The following ACBD6 variants were observed in gnomAD, a reference collection of about 807,000 sequenced individuals.
ACBD6 encodes the protein acyl-CoA-binding domain-containing protein 6.
Under a neutral mutation model 37.2 loss-of-function variants are expected in ACBD6, and 28 were observed. The observed-to-expected ratio is 0.75, with a 90% CI of 0.56 to 1.03. ACBD6 has a LOEUF of 1.03. Among genes scored for constraint, ACBD6 ranks in the 50% least tolerant of loss-of-function variants. ACBD6 has a pLI of 0.00. For missense variants in ACBD6, 340 were observed against 337.4 expected, an observed-to-expected ratio of 1.01 and a Z score of -0.06; for synonymous variants, 113 against 126.8, an observed-to-expected ratio of 0.89 and a Z score of 0.73.
intron 6 of ACBD6, among the ~76,000 whole-genome samples, chr1:180,354,634 T>A (rs1225318531): frequency 6.6e-6 from 1 of 152,174 alleles, no homozygotes; most frequent in Non-Finnish European, 1.5e-5. Flanking sequence ...ACAAAACCCA[T>A]GCATTCAAAG....
intron 6 of ACBD6, among the ~76,000 whole-genome samples, chr1:180,348,697 C>A (rs749632361): frequency 6.6e-6 from 1 of 152,070 alleles, no homozygotes; most frequent in Non-Finnish European, 1.5e-5. Context: ...TAAGCCTGCC[C>A]CTCCATTAAT....
At chr1:180,340,076 G>A (rs1006794134) in intron 6 of ACBD6, among the ~76,000 whole-genome samples, 1 of 152,164 alleles carries the variant, frequency 6.6e-6, no homozygotes, top group African/African-American at 2.4e-5. Flanking sequence ...CTGAGGAACT[G>A]AGAGGAGGCC....
At chr1:180,364,351 G>C (rs957627044) in intron 6 of ACBD6, among the ~76,000 whole-genome samples, 1 of 152,130 alleles carries the variant, frequency 6.6e-6, no homozygotes, top group South Asian at 2.1e-4. Flanking sequence ...TACATTTTTA[G>C]TGTTACATGT....
chr1:180,426,817 T>C (rs1648599616), intron 4 of ACBD6, among the ~76,000 whole-genome samples: 1 of 152,214 alleles, frequency 6.6e-6, no homozygotes, highest in Non-Finnish European at 1.5e-5. Context: ...GTGAGATAAG[T>C]ACTATAATTA....
intron 5 of ACBD6, among the ~76,000 whole-genome samples, chr1:180,401,313 T>C (rs1443704911): frequency 1.3e-5 from 2 of 152,228 alleles, no homozygotes; most frequent in Admixed American, 6.5e-5. Flanking sequence ...GCTTTGAAAG[T>C]GCAGGGTAGC....
At chr1:180,390,673 TTTCATCGAGCAGTG>T (rs1375131213) in intron 6 of ACBD6, among the ~76,000 whole-genome samples, 4 of 152,198 alleles carry the variant, frequency 2.6e-5, no homozygotes, top group African/African-American at 9.7e-5. Flanking sequence ...TCCTCTTTTA[TTTCATCGAGCAGTG>T]GTTTGTAGTT....
chr1:180,277,881 G>GC (rs1003408244), intron 9 of ACBD6: 4 of 149,606 alleles, frequency 2.7e-5, no homozygotes, highest in African/African-American at 9.8e-5. Flanking sequence ...TTTTTTTGGG[G>GC]GGGGGCAGTG....
chr1:180,350,873 C>T (rs908565679), intron 6 of ACBD6, among the ~76,000 whole-genome samples: 4 of 152,082 alleles, frequency 2.6e-5, no homozygotes, highest in Non-Finnish European at 4.4e-5. Flanking sequence ...AATAATTTAA[C>T]GAGTTTTCTA....
At chr1:180,419,273 G>C (rs971218243) in intron 4 of ACBD6, among the ~76,000 whole-genome samples, 36 of 152,124 alleles carry the variant, frequency 2.4e-4, no homozygotes, top group African/African-American at 8.7e-4. Flanking sequence ...TATTGTTCTT[G>C]AAATCCTGGA....
intron 7 of ACBD6, among the ~76,000 whole-genome samples, chr1:180,289,165 A>C (rs1306806339): frequency 6.6e-6 from 1 of 152,168 alleles, no homozygotes; most frequent in Non-Finnish European, 1.5e-5. Context: ...AAATGGAAAA[A>C]CAGACCAGAA....
At chr1:180,364,725 T>C (rs972004182) in intron 6 of ACBD6, among the ~76,000 whole-genome samples, 2 of 134,484 alleles carry the variant, frequency 1.5e-5, no homozygotes, top group Admixed American at 9.0e-5. Context: ...GATCTTTAAA[T>C]TCCTTTCTAT....
chr1:180,322,492 T>A (rs924393155), intron 6 of ACBD6, among the ~76,000 whole-genome samples: 4 of 152,080 alleles, frequency 2.6e-5, no homozygotes, highest in Non-Finnish European at 5.9e-5. Context: ...TCCTAGCCTT[T>A]TCTTTACTGG....
intron 3 of ACBD6, chr1:180,435,069 G>A: frequency 2.5e-6 from 2 of 813,810 alleles, no homozygotes; most frequent in Admixed American, 3.4e-5. Context: ...GCTTGCACAT[G>A]ATCTGAAGCT....
At chr1:180,314,048 T>C (rs1650694979) in intron 7 of ACBD6, among the ~76,000 whole-genome samples, 1 of 152,126 alleles carries the variant, frequency 6.6e-6, no homozygotes. Flanking sequence ...ATCAAGAAAA[T>C]ATTTCTTGTA....
At chr1:180,441,361 T>C (rs1466914347) in intron 3 of ACBD6, among the ~76,000 whole-genome samples, 2 of 152,242 alleles carry the variant, frequency 1.3e-5, no homozygotes, top group Non-Finnish European at 2.9e-5. Flanking sequence ...TGTAGCTTTA[T>C]AGTAAATTTT....
At chr1:180,429,259 C>T (rs1405530387) in intron 4 of ACBD6, among the ~76,000 whole-genome samples, 1 of 152,156 alleles carries the variant, frequency 6.6e-6, no homozygotes, top group African/African-American at 2.4e-5. Context: ...ACCCCCAGCT[C>T]CTGGCAACCA....
At chr1:180,426,171 G>T (rs1206177150) in intron 4 of ACBD6, among the ~76,000 whole-genome samples, 2 of 152,148 alleles carry the variant, frequency 1.3e-5, no homozygotes, top group African/African-American at 4.8e-5. Flanking sequence ...GACTGGTCTT[G>T]CTTAGAGAAG....
intron 2 of ACBD6, among the ~76,000 whole-genome samples, chr1:180,493,753 A>C (rs1052759672): frequency 2.4e-4 from 36 of 150,538 alleles, no homozygotes; most frequent in African/African-American, 8.8e-4. Context: ...CTCCCACACC[A>C]GGAACCAATC....
Position 180,271,263 on chromosome 1 carries a change from G to A in ACBD6, c.*1962C>T, listed in dbSNP as rs774420338. On this transcript the variant is annotated 3_prime_UTR_variant, in exon 14 of 14. Transcript: ENST00000642319. ...CACTCTGATGTCCCCTGTGCCTCGC[G>A]CTGTCCTGCCTACAGCAGGCAGGCT... The A allele has an allele frequency of 2.9e-4, 327 of 1,142,428 alleles. 1 individual carries two copies. Among genetic ancestry groups the A allele is most frequent in the Non-Finnish European group, 7.2e-5 (54 of 752,326 alleles). 70.8% of individuals were successfully genotyped at this position (1,142,428 alleles called of 1,614,324 possible).
Sources: allele counts gnomAD v4.1 joint callset (sites outside exome capture counted in the v4.1 genomes callset), GRCh38; gene constraint gnomAD v4.1.1; transcripts MANE v1.5; gene names NCBI Gene and HGNC (gene_info 2026-07-23, HGNC 2026-07-21).